Variants in ALX3 observed in about 807,000 individuals in gnomAD.
ALX3 encodes ALX homeobox 3, also known as homeobox protein aristaless-like 3.
A neutral mutation model predicts 26.3 loss-of-function variants in ALX3; 17 were observed. That is an observed-to-expected ratio of 0.65 (90% CI 0.44 to 0.97). ALX3 has a LOEUF of 0.97. ALX3 is among the 50% of genes least tolerant of loss of function. The pLI is 0.00. For synonymous variants in ALX3, 208 were observed against 201.4 expected, an observed-to-expected ratio of 1.03 and a Z score of -0.28; for missense variants, 461 against 466.5, an observed-to-expected ratio of 0.99 and a Z score of 0.11.
rs1653895952 is a variant in ALX3 at position 110,070,576 on chromosome 1, G to T, written c.37C>A (p.Pro13Thr). 1.5e-6 allele frequency: 2 copies of T among 1,300,240 alleles called. No individual in the cohort carries two copies. The highest frequency in any genetic ancestry group is 1.5e-5 in the African/African-American group (1 of 64,600). 80.5% of individuals were successfully genotyped at this position (1,300,240 alleles called of 1,614,324 possible). ...PEHCAPFRVG[P>T]APGPYVASGD... ...GAGGCCACATAGGGGCCGGGTGCAG[G>T]CCCCACGCGGAAAGGCGCGCAGTGC... The change falls in exon 1 of 4, where the codon CCT (proline) becomes ACT (threonine). Residue 13 changes from proline to threonine, a missense_variant. Physicochemically the swap from Pro to Thr is conservative, Grantham distance 38. Transcript: ENST00000647563.
intron 1 of ALX3, among the ~76,000 whole-genome samples, chr1:110,066,863 C>G (rs961727497): frequency 1.3e-5 from 2 of 152,148 alleles, no homozygotes; most frequent in African/African-American, 4.8e-5. Flanking sequence ...CTGAGACTTG[C>G]GTTCCCGACC....
intron 3 of ALX3, 102 bp downstream of exon 3, chr1:110,061,333 G>A: frequency 6.4e-7 from 1 of 1,563,648 alleles, no homozygotes; most frequent in Non-Finnish European, 8.8e-7. Context: ...TGTACCCACT[G>A]TCATACAGAA....
intron 1 of ALX3, among the ~76,000 whole-genome samples, chr1:110,065,364 G>A (rs1028022211): frequency 6.6e-6 from 1 of 152,144 alleles, no homozygotes; most frequent in Non-Finnish European, 1.5e-5. Flanking sequence ...TTATGCCCAC[G>A]CCTCTGTTCC....
At chr1:110,066,788 G>T (rs1653803235) in intron 1 of ALX3, among the ~76,000 whole-genome samples, 1 of 152,148 alleles carries the variant, frequency 6.6e-6, no homozygotes, top group South Asian at 2.1e-4. Flanking sequence ...AAGCCCTGGG[G>T]CTTGCTCATC....
In ALX3 at chr1:110,064,601, C is replaced by T. The variant is rs1653733912; in HGVS notation, c.580G>A (p.Glu194Lys). The T allele has an allele frequency of 1.9e-6, 3 of 1,613,976 alleles. No individual in the cohort carries two copies. The highest frequency in any genetic ancestry group is 1.3e-5 in the African/African-American group (1 of 74,944). The stretch of plus-strand genomic sequence containing the variant: ...AGTGCCCTCACCTGTACCCGGGCCT[C>T]AGTCAGGTCTGTGCGCAGGGCCAGC... ...EQLALRTDLT[E>K]ARVQVWFQNR... is the part of the protein sequence containing the mutation. The change falls in exon 2 of 4, where the codon GAG becomes AAG. Residue 194 changes from glutamate (E) to lysine (K), a missense_variant. Physicochemically the swap from Glu to Lys is moderately conservative, Grantham distance 56 (BLOSUM62 1). Coordinates refer to ENST00000647563, the MANE Select transcript of ALX3 (RefSeq NM_006492.3).
rs147907241 is a variant in ALX3 at position 110,065,852 on chromosome 1, G to A, written c.278-949C>T. Among the ~76,000 whole-genome samples the A allele has an allele frequency of 2.1e-4, 32 of 152,320 alleles. 1 individual carries two copies. In the East Asian group the frequency reaches 4.6e-3, roughly 22 times the overall value. On this transcript the variant is annotated intron_variant, in intron 1 of 3. Transcript: ENST00000647563. Reference sequence around the variant, plus strand: ...GGAGCCTCACCATGGTGGATCGACCGACAGAGCATGGTGAAAAATAGGTCA... The same window carrying A: ...GGAGCCTCACCATGGTGGATCGACCAACAGAGCATGGTGAAAAATAGGTCA...
At chr1:110,061,719 GGGAAGCCTGGGA>G (rs953835530) in intron 2 of ALX3, 156 bp from the exon 3 acceptor site, 113 of 1,209,738 alleles carry the variant, frequency 9.3e-5, no homozygotes, top group Non-Finnish European at 9.0e-5. Context: ...CTCCAGGCCA[GGGAAGCCTGGGA>G]GGAAGCCTGG....
intron 2 of ALX3, among the ~76,000 whole-genome samples, chr1:110,062,868 CAG>C (rs970479735): frequency 1.3e-5 from 2 of 152,202 alleles, no homozygotes; most frequent in African/African-American, 2.4e-5. Context: ...CCTCCCCTGA[CAG>C]AGGATGAGGG....
rs1336546077 is a variant in ALX3 at position 110,070,652 on chromosome 1, C to G, written c.-40G>C. ...CACAGGCCTCCGGGGCTCCGGGGCTCGCGCTGCCCGCGCCGCCTGTGAGCG... is the reference window on the plus strand; with the variant it reads ...CACAGGCCTCCGGGGCTCCGGGGCTGGCGCTGCCCGCGCCGCCTGTGAGCG... On this transcript the variant is annotated 5_prime_UTR_variant, in exon 1 of 4. Coordinates refer to ENST00000647563, the MANE Select transcript of ALX3 (RefSeq NM_006492.3). 1.7e-6 allele frequency: 2 copies of G among 1,188,984 alleles called. No homozygotes were observed. The highest frequency in any genetic ancestry group is 1.0e-6 in the Non-Finnish European group (1 of 962,448). The allele number at this position is 1,188,984 out of a possible 1,614,324, so 73.7% of individuals were successfully genotyped here.
intron 1 of ALX3, among the ~76,000 whole-genome samples, chr1:110,069,928 T>C (rs957658715): frequency 1.3e-5 from 2 of 152,126 alleles, no homozygotes; most frequent in African/African-American, 4.8e-5. Context: ...AAGCCGCGCT[T>C]CTTCGTCAGG....
At chr1:110,062,979 C>T (rs922472816) in intron 2 of ALX3, among the ~76,000 whole-genome samples, 15 of 152,172 alleles carry the variant, frequency 9.9e-5, no homozygotes, top group African/African-American at 3.4e-4. Context: ...GGCTCTGGAC[C>T]TGCCCTCTGC....
At chr1:110,070,279 G>A in intron 1 of ALX3, 57 bp downstream of exon 1, 4 of 1,286,582 alleles carry the variant, frequency 3.1e-6, no homozygotes, top group Non-Finnish European at 3.0e-6. Flanking sequence ...GGTGGGCCCG[G>A]GTAAGGAAGA....
Position 110,060,702 on chromosome 1 carries a change from G to A in ALX3, c.*31C>T, listed in dbSNP as rs758686544. On this transcript the variant is annotated 3_prime_UTR_variant, in exon 4 of 4. Coordinates refer to ENST00000647563, the MANE Select transcript of ALX3 (RefSeq NM_006492.3). ...GCGACTGGGAATGGAAAAAGAGGTG[G>A]GCAGCTCATTCTGCAGGTCCATGCA... 9.5e-6 allele frequency: 15 copies of A among 1,570,922 alleles called. No homozygotes were observed. The Middle Eastern group carries it at 1.7e-3, about 179-fold the overall frequency.
At chr1:110,063,016 C>T (rs1287813455) in intron 2 of ALX3, among the ~76,000 whole-genome samples, 2 of 152,110 alleles carry the variant, frequency 1.3e-5, no homozygotes, top group Non-Finnish European at 2.9e-5. Context: ...TCTCATTCTT[C>T]CTCTCCATAG....
Position 110,060,675 on chromosome 1 carries a change from G to C in ALX3, c.*58C>G. 11 of 468,832 alleles carry C rather than the reference G, an allele frequency of 2.3e-5. No individual in the cohort carries two copies. The highest frequency in any genetic ancestry group is 3.1e-5 in the Non-Finnish European group (11 of 354,670). The allele number at this position is 468,832 out of a possible 1,614,324, so 29.0% of individuals were successfully genotyped here. A position where few individuals can be genotyped will look rare whatever the true frequency, so the allele number is the denominator to read the frequency against. On this transcript the variant is annotated 3_prime_UTR_variant, in exon 4 of 4. Transcript: ENST00000647563. The stretch of plus-strand genomic sequence containing the variant: ...GGGCTTGGAGGCAGAGGTGGGCTGG[G>C]AGCGACTGGGAATGGAAAAAGAGGT...
Position 110,060,664 on chromosome 1 carries a change from A to AGGTGCTTCCTCCGTGGGGTCCAGGCAGG in ALX3, c.*68_*69insCCTGCCTGGACCCCACGGAGGAAGCACC. 2.2e-6 allele frequency: 3 copies of AGGTGCTTCCTCCGTGGGGTCCAGGCAGG among 1,374,878 alleles called. No individual in the cohort carries two copies. The highest frequency in any genetic ancestry group is 3.0e-6 in the Non-Finnish European group (3 of 1,011,214). 85.2% of individuals were successfully genotyped at this position (1,374,878 alleles called of 1,614,324 possible). Reference sequence around the variant, plus strand: ...AGAACCATCTGGGGCTTGGAGGCAGAGGTGGGCTGGGAGCGACTGGGAATG... The same window carrying AGGTGCTTCCTCCGTGGGGTCCAGGCAGG: ...AGAACCATCTGGGGCTTGGAGGCAGAGGTGCTTCCTCCGTGGGGTCCAGGCAGGGGTGGGCTGGGAGCGACTGGGAATG... On this transcript the variant is annotated 3_prime_UTR_variant, in exon 4 of 4. Coordinates refer to ENST00000647563, the MANE Select transcript of ALX3 (RefSeq NM_006492.3).
chr1:110,063,666 C>T (rs991850594), intron 2 of ALX3, among the ~76,000 whole-genome samples: 5 of 151,854 alleles, frequency 3.3e-5, no homozygotes, highest in African/African-American at 1.2e-4. Flanking sequence ...AGGTCACCTC[C>T]TCACCTTTCC....
chr1:110,068,262 G>T (rs1653835410), intron 1 of ALX3, among the ~76,000 whole-genome samples: 1 of 152,240 alleles, frequency 6.6e-6, no homozygotes, highest in African/African-American at 2.4e-5. Flanking sequence ...GCTCCGAGCC[G>T]GTTATTTTAA....
chr1:110,063,859 T>C (rs1285016320), intron 2 of ALX3, among the ~76,000 whole-genome samples: 2 of 151,942 alleles, frequency 1.3e-5, no homozygotes, highest in African/African-American at 2.4e-5. Flanking sequence ...TCCAGCATGC[T>C]TGGACGTGGG....
Sources: gnomAD v4.1 joint callset for allele counts (sites outside exome capture counted in the v4.1 genomes callset) on GRCh38, gnomAD v4.1.1 for gene constraint, MANE v1.5 for transcripts, NCBI Gene and HGNC (gene_info 2026-07-23, HGNC 2026-07-21) for gene names.